ANO4: variants seen among roughly 807,000 people sequenced by gnomAD.
ANO4 encodes the protein anoctamin-4.
A neutral mutation model predicts 141.9 loss-of-function variants in ANO4; 69 were observed. The observed-to-expected ratio is 0.49, with a 90% CI of 0.40 to 0.59. The LOEUF (loss-of-function observed/expected upper bound fraction) is 0.59, where lower values mean the gene tolerates loss of function less well. Ranked by LOEUF, ANO4 falls within the 20% of genes least tolerant of loss-of-function variation. ANO4 has a pLI of 0.00. For missense variants in ANO4, 894 were observed against 1,162.2 expected, an observed-to-expected ratio of 0.77 and a Z score of 3.36; for synonymous variants, 350 against 394.3, an observed-to-expected ratio of 0.89 and a Z score of 1.33.
chr12:100,918,977 A>G (rs2041478697), intron 2 of ANO4, among the ~76,000 whole-genome samples: 2 of 152,126 alleles, frequency 1.3e-5, no homozygotes, highest in African/African-American at 4.8e-5. Context: ...GCCTAGGCTA[A>G]TGTGTGTGTT....
chr12:101,108,553 G>C, intron 22 of ANO4, among the ~76,000 whole-genome samples: 1 of 152,056 alleles, frequency 6.6e-6, no homozygotes, highest in Non-Finnish European at 1.5e-5. Flanking sequence ...TTAGAACAAT[G>C]CCTGTTTTTA....
chr12:100,971,329 T>C lies in ANO4; in HGVS notation c.480T>C (p.Ile160=), dbSNP rs2043926941. ...EKESSLINSD[I]IFVKLHAPWE... is the part of the protein sequence containing the mutation. ...AGTCCTCTCTAATAAATAGTGACAT[T>C]ATCTTTGTGAAGTTGCATGCCCCAT... is the stretch of plus-strand genomic sequence containing the variant. Residue 160 remains isoleucine, a synonymous_variant, in exon 6 of 28, where the codon ATT becomes ATC. Coordinates refer to ENST00000392977, the MANE Select transcript of ANO4 (RefSeq NM_001286615.2). The C allele has an allele frequency of 1.9e-6, 3 of 1,611,198 alleles. No individual in the cohort carries two copies. In the Admixed American group the frequency reaches 5.0e-5, roughly 27 times the overall value.
chr12:101,113,505 C>T (rs1312246985), intron 24 of ANO4, among the ~76,000 whole-genome samples: 1 of 152,070 alleles, frequency 6.6e-6, no homozygotes, highest in African/African-American at 2.4e-5. Flanking sequence ...AGCCTTCTGC[C>T]ACTTTCAATT....
intron 3 of ANO4, among the ~76,000 whole-genome samples, chr12:100,748,132 A>T (rs1056720871): frequency 6.6e-6 from 1 of 152,286 alleles, no homozygotes; most frequent in East Asian, 1.9e-4. Flanking sequence ...CTGAAATCTT[A>T]GGTGCCCAAT....
intron 2 of ANO4, among the ~76,000 whole-genome samples, chr12:100,737,892 T>C (rs1017541803): frequency 1.3e-5 from 2 of 151,966 alleles, no homozygotes; most frequent in Non-Finnish European, 2.9e-5. Context: ...TTTAGGAAAA[T>C]AGCATATGTG....
At chr12:100,851,326 C>A (rs12369241) in intron 1 of ANO4, among the ~76,000 whole-genome samples, 7,218 of 152,154 alleles carry the variant, frequency 0.047, 232 homozygotes, top group Middle Eastern at 0.096. Context: ...ACTCATTTTT[C>A]TTTCCCTTTT....
chr12:100,852,785 A>G (rs1468013186), intron 1 of ANO4, among the ~76,000 whole-genome samples: 2 of 152,212 alleles, frequency 1.3e-5, no homozygotes, highest in Non-Finnish European at 2.9e-5. Flanking sequence ...ATATACAAAT[A>G]TACATGTCCT....
intron 1 of ANO4, among the ~76,000 whole-genome samples, chr12:100,825,662 G>C (rs2036293288): frequency 6.6e-6 from 1 of 152,026 alleles, no homozygotes; most frequent in Non-Finnish European, 1.5e-5. Flanking sequence ...TTAGTCTTCA[G>C]TAACTAGCAT....
intron 14 of ANO4, among the ~76,000 whole-genome samples, chr12:101,074,644 ATAGT>A (rs1167126706): frequency 1.2e-4 from 19 of 152,326 alleles, no homozygotes; most frequent in Admixed American, 2.0e-4. Context: ...AATGAGAGTG[ATAGT>A]TAGAACAGAA....
intron 3 of ANO4, among the ~76,000 whole-genome samples, chr12:100,776,065 C>T (rs1201076224): frequency 6.6e-6 from 1 of 152,132 alleles, no homozygotes; most frequent in Non-Finnish European, 1.5e-5. Flanking sequence ...ACTGTTCATT[C>T]ATGAATTTGT....
At chr12:101,058,206 G>C (rs2048204301) in intron 14 of ANO4, among the ~76,000 whole-genome samples, 1 of 152,098 alleles carries the variant, frequency 6.6e-6, no homozygotes, top group African/African-American at 2.4e-5. Flanking sequence ...CCTCTGTTCT[G>C]TTCCATTGGT....
At chr12:100,955,019 A>G (rs1814797009) in intron 5 of ANO4, among the ~76,000 whole-genome samples, 1 of 152,230 alleles carries the variant, frequency 6.6e-6, no homozygotes, top group South Asian at 2.1e-4. Flanking sequence ...CAGAGGAATT[A>G]AAGAAGGTTC....
intron 1 of ANO4, among the ~76,000 whole-genome samples, chr12:100,807,008 T>C (rs959431130): frequency 6.6e-6 from 1 of 152,206 alleles, no homozygotes; most frequent in Admixed American, 6.5e-5. Context: ...GGGTTTTGTG[T>C]AATAATCAGA....
chr12:101,077,905 C>T (rs917259399), intron 14 of ANO4, among the ~76,000 whole-genome samples: 6 of 151,976 alleles, frequency 3.9e-5, no homozygotes, highest in African/African-American at 1.5e-4. Context: ...TTTGCTTATC[C>T]GGAAATTAAG....
chr12:100,914,675 A>G (rs2041256150), intron 2 of ANO4, among the ~76,000 whole-genome samples: 1 of 152,224 alleles, frequency 6.6e-6, no homozygotes, highest in African/African-American at 2.4e-5. Context: ...AGCATTTCCT[A>G]CATGTAAATC....
intron 1 of ANO4, among the ~76,000 whole-genome samples, chr12:100,875,227 T>C (rs1455928610): frequency 2.0e-5 from 3 of 152,186 alleles, no homozygotes; most frequent in Non-Finnish European, 4.4e-5. Flanking sequence ...GACTGGATCA[T>C]GGCGGTGGAT....
chr12:100,997,814 G>T (rs1427273055), intron 8 of ANO4, among the ~76,000 whole-genome samples: 1 of 152,098 alleles, frequency 6.6e-6, no homozygotes, highest in Non-Finnish European at 1.5e-5. Context: ...TCATTGGAGT[G>T]GACAGTGAAA....
At chr12:100,780,704 G>A (rs1244671797) in intron 3 of ANO4, among the ~76,000 whole-genome samples, 3 of 152,042 alleles carry the variant, frequency 2.0e-5, no homozygotes, top group Non-Finnish European at 2.9e-5. Flanking sequence ...CCTGACTGAG[G>A]GTCGGAACAC....
intron 1 of ANO4, among the ~76,000 whole-genome samples, chr12:100,868,259 C>G (rs941167671): frequency 6.6e-6 from 1 of 152,162 alleles, no homozygotes; most frequent in Non-Finnish European, 1.5e-5. Flanking sequence ...CTCAAAGACA[C>G]CCAGCCACTT....
Sources: gnomAD v4.1 joint callset for allele counts (sites outside exome capture counted in the v4.1 genomes callset) on GRCh38, gnomAD v4.1.1 for gene constraint, MANE v1.5 for transcripts, NCBI Gene and HGNC (gene_info 2026-07-23, HGNC 2026-07-21) for gene names.